PKD1L1: variants seen among roughly 807,000 people sequenced by gnomAD.
PKD1L1 encodes polycystin-1-like protein 1.
In PKD1L1, 236 loss-of-function variants were observed where a neutral mutation model predicts 323.4. The ratio of observed to expected loss-of-function variants is 0.73; its 90% CI spans 0.66 to 0.81. The LOEUF is 0.81. Ranked by LOEUF, PKD1L1 falls within the 40% of genes least tolerant of loss-of-function variation. The pLI is 0.00. For missense variants in PKD1L1, 3,320 were observed against 3,508.0 expected (o/e 0.95, Z 1.35); for synonymous variants, 1,344 against 1,335.0 (o/e 1.01, Z -0.15).
At chr7:47,818,769 G>A (rs551244857) in intron 46 of PKD1L1, among the ~76,000 whole-genome samples, 3 of 152,254 alleles carry the variant, frequency 2.0e-5, no homozygotes, top group African/African-American at 7.2e-5. Flanking sequence ...TGGATAGAAC[G>A]CTTGCTTCAT....
At chr7:47,806,054 T>C (rs1231146012) in intron 52 of PKD1L1, among the ~76,000 whole-genome samples, 2 of 151,968 alleles carry the variant, frequency 1.3e-5, no homozygotes, top group Admixed American at 1.3e-4. Flanking sequence ...GCAGGGAACA[T>C]AATGAGAAAG....
At position 47,842,966 on chromosome 7, in the gene PKD1L1, G is replaced by C. The variant is rs1346520093; in HGVS notation, c.5441C>G (p.Ser1814Ter). The C allele has an allele frequency of 6.2e-7, 1 of 1,612,470 alleles. No individual in the cohort carries two copies. ...TGFRAPARLT[S>*]KVYIVLCGDN... is the part of the protein sequence containing the mutation. ...ACCCCCAGATGCTCGAGCTACCTTTGAGGTCAACCTGGCCGGAGCTCGGAA... is the reference window on the plus strand; with the variant it reads ...ACCCCCAGATGCTCGAGCTACCTTTCAGGTCAACCTGGCCGGAGCTCGGAA... Residue 1814 changes from serine (S) to a stop codon, truncating the protein, a stop_gained, in exon 34 of 57, where the codon TCA becomes TGA. Coordinates refer to ENST00000289672, the MANE Select transcript of PKD1L1 (RefSeq NM_138295.5). LOFTEE classifies it high-confidence loss of function.
intron 24 of PKD1L1, among the ~76,000 whole-genome samples, chr7:47,872,609 T>A (rs1194743471): frequency 1.3e-5 from 2 of 152,216 alleles, no homozygotes; most frequent in African/African-American, 4.8e-5. Context: ...TCATCAATTA[T>A]TAGAGAAACG....
At chr7:47,903,275 T>G (rs371011391) in intron 12 of PKD1L1, among the ~76,000 whole-genome samples, 1 of 152,128 alleles carries the variant, frequency 6.6e-6, no homozygotes, top group Admixed American at 6.5e-5. Context: ...GCAAGAAAGG[T>G]AGGGCCTACT....
At chr7:47,828,815 G>C (rs1019608552) in intron 44 of PKD1L1, among the ~76,000 whole-genome samples, 6 of 152,160 alleles carry the variant, frequency 3.9e-5, no homozygotes, top group Non-Finnish European at 8.8e-5. Flanking sequence ...GGCCCAGACC[G>C]GGGTCTGACT....
chr7:47,905,409 C>A, intron 10 of PKD1L1, 84 bp from the exon 11 acceptor site: 1 of 1,441,354 alleles, frequency 6.9e-7, no homozygotes, highest in Non-Finnish European at 9.5e-7. Flanking sequence ...TACTTTCCCA[C>A]TTGGTCATGG....
intron 46 of PKD1L1, 135 bp downstream of exon 46, chr7:47,820,941 T>G: frequency 1.7e-6 from 1 of 581,632 alleles, no homozygotes; most frequent in Non-Finnish European, 3.1e-6. Context: ...TGGAAGGGGG[T>G]TTTATTACTA....
intron 46 of PKD1L1, chr7:47,819,509 C>G (rs1584966667): frequency 7.5e-7 from 1 of 1,341,086 alleles, no homozygotes; most frequent in East Asian, 4.8e-5. Flanking sequence ...GCACACAGCA[C>G]CACCTACTGG....
rs1251786451 is a variant in PKD1L1 at position 47,857,606 on chromosome 7, T to C, written c.4589A>G (p.Gln1530Arg). 1 of 1,613,784 alleles carries C rather than the reference T, an allele frequency of 6.2e-7. No individual in the cohort carries two copies. Among genetic ancestry groups the C allele is most frequent in the Non-Finnish European group, 8.5e-7 (1 of 1,179,758 alleles). Residue 1530 changes from glutamine to arginine, a missense_variant and splice_region_variant, in exon 28 of 57, where the codon CAG becomes CGG. Transcript: ENST00000289672. ...GGCAGGTCATCTGTCAGCTTGTACCTGCCCAGGAGCTTGGCTCCCTGGATA... is the reference window on the plus strand; with the variant it reads ...GGCAGGTCATCTGTCAGCTTGTACCCGCCCAGGAGCTTGGCTCCCTGGATA... ...NPYPGSQAPG[Q>R]IGGVVGLNLY...
At chr7:47,870,018 C>A (rs751486738) in intron 24 of PKD1L1, among the ~76,000 whole-genome samples, 3 of 152,034 alleles carry the variant, frequency 2.0e-5, no homozygotes, top group Middle Eastern at 3.4e-3. Flanking sequence ...GAAATTGCAA[C>A]AAGAATTACA....
chr7:47,792,147 G>A (rs973596685), intron 56 of PKD1L1, among the ~76,000 whole-genome samples: 3 of 152,080 alleles, frequency 2.0e-5, no homozygotes, highest in Admixed American at 6.6e-5. Context: ...TAATCTATTC[G>A]TCCAAACCAG....
intron 27 of PKD1L1, among the ~76,000 whole-genome samples, chr7:47,858,056 T>C (rs939739212): frequency 1.5e-4 from 23 of 152,256 alleles, no homozygotes; most frequent in African/African-American, 5.5e-4. Context: ...TAGGTTCAGA[T>C]AGACTATTTA....
Position 47,930,220 on chromosome 7 carries a change from G to GT in PKD1L1, c.738-695dup, listed in dbSNP as rs760416371. ...TAATGGCCAATTCTCATGCTCCCAT[G>GT]TTTTTTTTTTTTTCCTCTTCCAGTG... On this transcript the variant is annotated intron_variant, in intron 6 of 56. Coordinates refer to ENST00000289672, the MANE Select transcript of PKD1L1 (RefSeq NM_138295.5). 2.0e-3 allele frequency among the ~76,000 whole-genome samples: 290 copies of GT among 145,196 alleles called. 1 individual carries two copies. The highest frequency in any genetic ancestry group is 2.2e-3 in the African/African-American group (89 of 39,952).
At chr7:47,809,652 A>C (rs1484735114) in intron 50 of PKD1L1, 75 bp from the exon 51 acceptor site, 1 of 1,074,928 alleles carries the variant, frequency 9.3e-7, no homozygotes, top group Non-Finnish European at 1.3e-6. Flanking sequence ...TAAACATGTG[A>C]CCAGCTCCCC....
chr7:47,921,652 A>T (rs1380374791), intron 7 of PKD1L1, among the ~76,000 whole-genome samples: 1 of 142,452 alleles, frequency 7.0e-6, no homozygotes. Context: ...CCCATCAATC[A>T]ATGAGTGGAT....
intron 43 of PKD1L1, 102 bp downstream of exon 43, chr7:47,829,938 T>A: frequency 9.0e-7 from 1 of 1,105,850 alleles, no homozygotes; most frequent in Middle Eastern, 2.0e-4. Flanking sequence ...AATCAGGGTA[T>A]AAAGAAAAGT....
chr7:47,811,622 A>ACT (rs772048442), intron 50 of PKD1L1, among the ~76,000 whole-genome samples, 195 bp downstream of exon 50: 80 of 152,302 alleles, frequency 5.3e-4, no homozygotes, highest in Admixed American at 1.7e-3. Context: ...TGGTTTCCCC[A>ACT]CTGGGGGTCT....
chr7:47,873,377 G>A (rs565887084), intron 24 of PKD1L1, among the ~76,000 whole-genome samples: 192 of 152,134 alleles, frequency 1.3e-3, no homozygotes, highest in Non-Finnish European at 2.3e-3. Flanking sequence ...GGCTGGGCGC[G>A]GTGGCTCACA....
At chr7:47,818,361 G>C (rs1250338320) in intron 46 of PKD1L1, among the ~76,000 whole-genome samples, 3 of 152,218 alleles carry the variant, frequency 2.0e-5, no homozygotes, top group Non-Finnish European at 1.5e-5. Flanking sequence ...TGGGAAGCAA[G>C]ATGATTTGAC....
Sources: gnomAD v4.1 joint callset for allele counts (sites outside exome capture counted in the v4.1 genomes callset) on GRCh38, gnomAD v4.1.1 for gene constraint, MANE v1.5 for transcripts, NCBI Gene and HGNC (gene_info 2026-07-23, HGNC 2026-07-21) for gene names.